TOX: variants seen among roughly 807,000 people sequenced by gnomAD.
TOX encodes thymocyte selection associated high mobility group box, also known as thymocyte selection-associated high mobility group box protein TOX.
TOX carries 11 observed loss-of-function variants against 53.7 expected under a neutral mutation model. The ratio of observed to expected loss-of-function variants is 0.20; its 90% CI spans 0.13 to 0.34. TOX has a LOEUF of 0.34. Ranked by LOEUF, TOX falls within the 10% of genes least tolerant of loss-of-function variation. TOX has a pLI of 1.00. For missense variants in TOX, 570 were observed against 664.6 expected, an observed-to-expected ratio of 0.86 and a Z score of 1.56; for synonymous variants, 225 against 245.3, an observed-to-expected ratio of 0.92 and a Z score of 0.77.
intron 3 of TOX, among the ~76,000 whole-genome samples, chr8:58,867,422 A>G (rs1224077515): frequency 1.3e-5 from 2 of 152,200 alleles, no homozygotes; most frequent in African/African-American, 2.4e-5. Flanking sequence ...GGTTGAAGGG[A>G]CTAAAGGGCT....
At chr8:59,045,685 T>G (rs1233178358) in intron 1 of TOX, among the ~76,000 whole-genome samples, 1 of 152,174 alleles carries the variant, frequency 6.6e-6, no homozygotes, top group Non-Finnish European at 1.5e-5. Flanking sequence ...CCAAACCAGA[T>G]AAGCAAAATT....
chr8:59,034,283 C>T (rs1814414649), intron 1 of TOX, among the ~76,000 whole-genome samples: 1 of 152,208 alleles, frequency 6.6e-6, no homozygotes, highest in Admixed American at 6.5e-5. Context: ...TATGCCAGTC[C>T]TATTTTAAAG....
chr8:58,809,109 T>C (rs1472500734), intron 7 of TOX, among the ~76,000 whole-genome samples: 2 of 152,238 alleles, frequency 1.3e-5, no homozygotes, highest in Non-Finnish European at 2.9e-5. Context: ...AGATTTATTT[T>C]TAGCTTCTCT....
intron 1 of TOX, among the ~76,000 whole-genome samples, chr8:58,982,317 CA>C (rs1377907287): frequency 2.0e-5 from 3 of 152,220 alleles, no homozygotes; most frequent in South Asian, 4.1e-4. Flanking sequence ...ATGGCGTACA[CA>C]CCCTCTTCTT....
Position 58,851,158 on chromosome 8 carries a change from GTCTCTCTC to G in TOX, c.693+358_693+365del, listed in dbSNP as rs560478337. Among the ~76,000 whole-genome samples, 6 of 118,294 alleles carry G rather than the reference GTCTCTCTC, an allele frequency of 5.1e-5. No homozygotes were observed. The East Asian group carries it at 1.2e-3, about 24-fold the overall frequency. 77.6% of individuals were successfully genotyped at this position (118,294 alleles called of 152,430 possible). ...CACCATACATCTCCTCTCTCTCTCTGTCTCTCTCTCTCTCTCTCTCTCTCTCTCACACA... is the reference window on the plus strand; with the variant it reads ...CACCATACATCTCCTCTCTCTCTCTGTCTCTCTCTCTCTCTCTCTCACACA... On this transcript the variant is annotated intron_variant, in intron 4 of 8. Transcript: ENST00000361421. The surrounding 1 kb of genome is among the most constrained non-coding windows in gnomAD (Gnocchi z 4.4).
At chr8:58,904,069 G>A (rs564014396) in intron 3 of TOX, among the ~76,000 whole-genome samples, 1 of 152,148 alleles carries the variant, frequency 6.6e-6, no homozygotes, top group African/African-American at 2.4e-5. Context: ...ATGAGGCTCA[G>A]ATCATGTTTT....
chr8:59,060,378 G>A (rs147151081), intron 1 of TOX, among the ~76,000 whole-genome samples: 1,964 of 152,216 alleles, frequency 0.013, 25 homozygotes, highest in Non-Finnish European at 0.019. Flanking sequence ...CCGTAATCCT[G>A]GCACTTTGGG....
intron 3 of TOX, among the ~76,000 whole-genome samples, chr8:58,863,679 C>G (rs916035025): frequency 1.3e-5 from 2 of 152,094 alleles, no homozygotes; most frequent in Admixed American, 1.3e-4. Flanking sequence ...GCAGCTAGAA[C>G]CTAGAATGAC....
chr8:58,864,548 T>C (rs7844725), intron 3 of TOX, among the ~76,000 whole-genome samples: 53,417 of 151,806 alleles, frequency 0.35, 9,470 homozygotes, highest in African/African-American at 0.4. Context: ...ACAGCAACAG[T>C]AGCCATTTTT....
intron 1 of TOX, among the ~76,000 whole-genome samples, chr8:59,029,401 A>G (rs1278703580): frequency 6.6e-6 from 1 of 152,176 alleles, no homozygotes; most frequent in East Asian, 1.9e-4. Flanking sequence ...GGGACCCTTA[A>G]GTAACCCAAT....
chr8:58,850,874 C>G (rs1233040466), intron 4 of TOX, among the ~76,000 whole-genome samples: 1 of 152,016 alleles, frequency 6.6e-6, no homozygotes, highest in Non-Finnish European at 1.5e-5. Flanking sequence ...TTTAATTTTC[C>G]AAAAACAAAA....
At chr8:58,808,299 G>T (rs1274843924) in intron 7 of TOX, 30 bp from the exon 8 acceptor site, 2 of 1,583,634 alleles carry the variant, frequency 1.3e-6, no homozygotes, top group Non-Finnish European at 8.6e-7. Context: ...CGCAAATAAG[G>T]ATCAAAATGC....
chr8:58,902,480 C>T (rs150036343), intron 3 of TOX, among the ~76,000 whole-genome samples: 1 of 152,144 alleles, frequency 6.6e-6, no homozygotes, highest in South Asian at 2.1e-4. Flanking sequence ...GCAAGGGAAG[C>T]ACCTCATTTG....
At chr8:59,009,212 C>T (rs553935692) in intron 1 of TOX, among the ~76,000 whole-genome samples, 88 of 150,328 alleles carry the variant, frequency 5.9e-4, no homozygotes, top group Non-Finnish European at 9.3e-4. Context: ...TTTCTTCCCC[C>T]TCTTTCTCCT....
chr8:59,118,239 C>A lies in TOX; in HGVS notation c.102+647G>T, dbSNP rs1005361150. Among the ~76,000 whole-genome samples the A allele has an allele frequency of 1.3e-5, 2 of 152,234 alleles. No homozygotes were observed. The highest frequency in any genetic ancestry group is 1.3e-4 in the Admixed American group (2 of 15,292). On this transcript the variant is annotated intron_variant, in intron 1 of 8. Transcript: ENST00000361421. The surrounding 1 kb of genome is among the most constrained non-coding windows in gnomAD (Gnocchi z 4.1). Reference sequence around the variant, plus strand: ...CAAACTTGCAATTTCCGCGCGCACCCCTTAAACAGGAACTGTTCCCCAAAC... The same window carrying A: ...CAAACTTGCAATTTCCGCGCGCACCACTTAAACAGGAACTGTTCCCCAAAC...
At chr8:59,064,412 C>T (rs1000418444) in intron 1 of TOX, among the ~76,000 whole-genome samples, 1 of 152,148 alleles carries the variant, frequency 6.6e-6, no homozygotes, top group African/African-American at 2.4e-5. Flanking sequence ...TACTTTTCAA[C>T]AAATTAAAAT....
intron 7 of TOX, among the ~76,000 whole-genome samples, chr8:58,811,644 A>G (rs1046543426): frequency 6.6e-6 from 1 of 152,212 alleles, no homozygotes; most frequent in African/African-American, 2.4e-5. Context: ...ATTACACCCA[A>G]ATCCTAAAGC....
chr8:58,965,184 A>G (rs746633119), intron 1 of TOX, among the ~76,000 whole-genome samples: 11 of 152,206 alleles, frequency 7.2e-5, no homozygotes, highest in Non-Finnish European at 8.8e-5. Context: ...GAAAGAATAA[A>G]TAGGCTGATT....
rs1174863427 is a variant in TOX, at chr8:59,119,133, G to T, written c.-146C>A. The stretch of plus-strand genomic sequence containing the variant: ...CTTCCCTCACATCCGTTTGTGGTTT[G>T]TTTAAGAAGAAGAGGAAAAAAAAAA... On this transcript the variant is annotated 5_prime_UTR_variant, in exon 1 of 9. Transcript: ENST00000361421. The T allele has an allele frequency of 7.2e-5, 30 of 416,948 alleles. No homozygotes were observed. Among genetic ancestry groups the T allele is most frequent in the South Asian group, 2.2e-4 (6 of 27,136 alleles). The allele number at this position is 416,948 out of a possible 1,614,324, so 25.8% of individuals were successfully genotyped here. A position where few individuals can be genotyped will look rare whatever the true frequency, so the allele number is the denominator to read the frequency against.
Sources: gnomAD v4.1 joint callset for allele counts (sites outside exome capture counted in the v4.1 genomes callset) on GRCh38, gnomAD v4.1.1 for gene constraint, Gnocchi (gnomAD v3.1) non-coding constraint, MANE v1.5 for transcripts, NCBI Gene and HGNC (gene_info 2026-07-23, HGNC 2026-07-21) for gene names.